ADSL: variants seen among roughly 807,000 people sequenced by gnomAD.
ADSL encodes adenylosuccinase.
ADSL carries 44 observed loss-of-function variants against 62.1 expected under a neutral mutation model. The ratio of observed to expected loss-of-function variants is 0.71; its 90% CI spans 0.56 to 0.91. The LOEUF (loss-of-function observed/expected upper bound fraction) is 0.91. Among genes scored for constraint, ADSL ranks in the 40% least tolerant of loss-of-function variants. ADSL has a pLI of 0.00. For missense variants in ADSL, 531 were observed against 627.4 expected, an observed-to-expected ratio of 0.85 and a Z score of 1.64; for synonymous variants, 198 against 220.5, an observed-to-expected ratio of 0.90 and a Z score of 0.90.
intron 10 of ADSL, among the ~76,000 whole-genome samples, chr22:40,363,736 C>CAA (rs1231381642): frequency 1.4e-4 from 11 of 79,620 alleles, no homozygotes; most frequent in Non-Finnish European, 2.1e-4. Context: ...AACTCCATCT[C>CAA]AAAAAAAAAA....
In ADSL at chr22:40,354,332, G is replaced by A. The variant is rs886042934; in HGVS notation, c.482+5G>A. 5 of 1,611,684 alleles carry A rather than the reference G, an allele frequency of 3.1e-6. No homozygotes were observed. The highest frequency in any genetic ancestry group is 4.2e-6 in the Non-Finnish European group (5 of 1,177,704). The stretch of plus-strand genomic sequence containing the variant: ...ATTAGGTTTCACACATTTCCAGTAA[G>A]TGATAAGATTACTTCTTGTTTATGT... On this transcript the variant is annotated splice_donor_5th_base_variant and intron_variant, in intron 4 of 12. Coordinates refer to ENST00000623063, the MANE Select transcript of ADSL (RefSeq NM_000026.4).
intron 12 of ADSL, 88 bp downstream of exon 12, chr22:40,365,144 G>C: frequency 7.3e-7 from 1 of 1,367,196 alleles, no homozygotes; most frequent in African/African-American, 1.4e-5. Context: ...GGTATGGTGG[G>C]AATGGGCTAG....
intron 1 of ADSL, among the ~76,000 whole-genome samples, chr22:40,347,042 A>T (rs1332184235): frequency 1.3e-5 from 2 of 152,192 alleles, no homozygotes; most frequent in African/African-American, 4.8e-5. Context: ...CTTGTTTCGT[A>T]CTGTTGTGCT....
intron 4 of ADSL, among the ~76,000 whole-genome samples, chr22:40,356,808 G>A (rs1354822208): frequency 1.3e-5 from 2 of 152,082 alleles, no homozygotes; most frequent in African/African-American, 2.4e-5. Flanking sequence ...ATACCAGCGT[G>A]TGCCAGCCTG....
chr22:40,372,412 A>C (rs1187850724), downstream of ADSL, among the ~76,000 whole-genome samples: 1 of 152,160 alleles, frequency 6.6e-6, no homozygotes, highest in African/African-American at 2.4e-5. Flanking sequence ...GGCGTGAGCC[A>C]CCGTGCCTGG....
At chr22:40,356,631 G>GGCAT (rs1601574445) in intron 4 of ADSL, among the ~76,000 whole-genome samples, 1 of 152,074 alleles carries the variant, frequency 6.6e-6, no homozygotes, top group East Asian at 1.9e-4. Flanking sequence ...GATAGCTTGA[G>GGCAT]GCATGGAGTT....
chr22:40,354,224 T>G (rs769414459), intron 3 of ADSL, 24 bp from the exon 4 acceptor site: 4 of 1,609,024 alleles, frequency 2.5e-6, no homozygotes, highest in Non-Finnish European at 3.4e-6. Flanking sequence ...TCAACCTCTT[T>G]CTATCACATG....
In ADSL at chr22:40,361,538, T is replaced by G. The variant is rs2146663371; in HGVS notation, c.913T>G (p.Cys305Gly). The part of the protein sequence containing the change: ...KRNPMRSERC[C>G]SLARHLMTLV... The stretch of plus-strand genomic sequence containing the variant: ...GAATCCCATGCGTTCAGAACGTTGC[T>G]GCAGTCTTGCCCGCCACCTGATGAC... Residue 305 changes from cysteine to glycine, a missense_variant, in exon 9 of 13, where the codon TGC becomes GGC. Physicochemically the swap from Cys to Gly is radical, Grantham distance 159 (BLOSUM62 -3). Coordinates refer to ENST00000623063, the MANE Select transcript of ADSL (RefSeq NM_000026.4). 6.2e-7 allele frequency: 1 copy of G among 1,614,238 alleles called. No homozygotes were observed. Among genetic ancestry groups the G allele is most frequent in the Non-Finnish European group, 8.5e-7 (1 of 1,180,034 alleles).
In ADSL at chr22:40,368,526, C is replaced by T. The variant is rs2045063506; in HGVS notation, c.*2004C>T. 2 of 152,110 alleles carry T rather than the reference C, an allele frequency of 1.3e-5. No individual in the cohort carries two copies. The highest frequency in any genetic ancestry group is 6.6e-5 in the Admixed American group (1 of 15,256). 9.4% of individuals were successfully genotyped at this position (152,110 alleles called of 1,614,324 possible). A position where few individuals can be genotyped will look rare whatever the true frequency, so the allele number is the denominator to read the frequency against. On this transcript the variant is annotated 3_prime_UTR_variant, in exon 13 of 13. Transcript: ENST00000623063. ...TTTGGAAAAACAATAGAAGACAATT[C>T]TGAAAACCAAATTCTGAACATAGGC...
chr22:40,359,268 G>A lies in ADSL; in HGVS notation c.663G>A (p.Gln221=), dbSNP rs1442075825. 1 of 1,614,160 alleles carries A rather than the reference G, an allele frequency of 6.2e-7. No homozygotes were observed. Among genetic ancestry groups the A allele is most frequent in the East Asian group, 2.2e-5 (1 of 44,886 alleles). The change falls in exon 6 of 13, where the codon CAG becomes CAA. Residue 221 remains glutamine (Q), a synonymous_variant. Coordinates refer to ENST00000623063, the MANE Select transcript of ADSL (RefSeq NM_000026.4). Reference sequence around the variant, plus strand: ...TGTCTTTTCTTTCCAAGGTAGAGCAGCTTGACAAGATGGTGACAGAAAAGG... The same window carrying A: ...TGTCTTTTCTTTCCAAGGTAGAGCAACTTGACAAGATGGTGACAGAAAAGG... The part of the protein sequence containing the change: ...LFEGDDHKVE[Q]LDKMVTEKAG...
At chr22:40,365,102 GGTACTCTCT>G (rs1476038371) in intron 12 of ADSL, 46 bp downstream of exon 12, 1 of 1,571,768 alleles carries the variant, frequency 6.4e-7, no homozygotes, top group East Asian at 2.2e-5. Flanking sequence ...CAGAACCTGG[GGTACTCTCT>G]TTGATGTTTT....
intron 3 of ADSL, 57 bp from the exon 4 acceptor site, chr22:40,354,191 T>G: frequency 7.1e-7 from 1 of 1,406,226 alleles, no homozygotes; most frequent in Non-Finnish European, 1.0e-6. Flanking sequence ...TGTTCCTAAT[T>G]ATGTAATGAA....
intron 9 of ADSL, among the ~76,000 whole-genome samples, chr22:40,362,626 C>G (rs531259211): frequency 6.6e-6 from 1 of 152,292 alleles, no homozygotes; most frequent in South Asian, 2.1e-4. Flanking sequence ...GTATAAAGAG[C>G]TTGGTGAGTG....
chr22:40,359,422 CA>C, intron 6 of ADSL, 116 bp downstream of exon 6: 14 of 924,152 alleles, frequency 1.5e-5, no homozygotes, highest in South Asian at 1.0e-4. Context: ...TTCTTCTACC[CA>C]TTTTTTTTTT....
In ADSL at chr22:40,349,688, C is replaced by G; in HGVS notation, c.154-144C>G. 3.9e-6 allele frequency: 3 copies of G among 768,008 alleles called. No individual in the cohort carries two copies. The South Asian group carries it at 4.5e-5, about 12-fold the overall frequency. 47.6% of individuals were successfully genotyped at this position (768,008 alleles called of 1,614,324 possible). On this transcript the variant is annotated intron_variant, in intron 1 of 12. Transcript: ENST00000623063. The stretch of plus-strand genomic sequence containing the variant: ...CCACTACCCCTGGCCAGTGTACTTT[C>G]AACTTGGTTGCCTCAAATTTTAATT...
chr22:40,365,426 A>C (rs749393000), intron 12 of ADSL, among the ~76,000 whole-genome samples: 5 of 152,168 alleles, frequency 3.3e-5, no homozygotes, highest in Non-Finnish European at 5.9e-5. Context: ...TTTTATTGTC[A>C]GGTGGATCTG....
At chr22:40,364,055 C>T (rs4820411) in intron 10 of ADSL, among the ~76,000 whole-genome samples, 2 of 149,332 alleles carry the variant, frequency 1.3e-5, no homozygotes, top group South Asian at 2.1e-4. Flanking sequence ...CCAGCCTGGG[C>T]GACAGAGTGA....
chr22:40,364,010 G>A (rs1218568816), intron 10 of ADSL, among the ~76,000 whole-genome samples: 1 of 151,952 alleles, frequency 6.6e-6, no homozygotes, highest in Non-Finnish European at 1.5e-5. Context: ...CCAGGAGACG[G>A]AGCTTGCAGT....
In ADSL at chr22:40,367,684, A is replaced by C. The variant is rs2045045452; in HGVS notation, c.*1162A>C. On this transcript the variant is annotated 3_prime_UTR_variant, in exon 13 of 13. Coordinates refer to ENST00000623063, the MANE Select transcript of ADSL (RefSeq NM_000026.4). Reference sequence around the variant, plus strand: ...TGCCAGGAGAGCACTAGTGTTATTTAGCCCATTCTCATCCTACATATTTTT... The same window carrying C: ...TGCCAGGAGAGCACTAGTGTTATTTCGCCCATTCTCATCCTACATATTTTT... 1 of 166,790 alleles carries C rather than the reference A, an allele frequency of 6.0e-6. No homozygotes were observed. The highest frequency in any genetic ancestry group is 2.1e-4 in the South Asian group (1 of 4,834). 10.3% of individuals were successfully genotyped at this position (166,790 alleles called of 1,614,324 possible).
Sources: gnomAD v4.1 joint callset for allele counts (sites outside exome capture counted in the v4.1 genomes callset) on GRCh38, gnomAD v4.1.1 for gene constraint, MANE v1.5 for transcripts, NCBI Gene and HGNC (gene_info 2026-07-23, HGNC 2026-07-21) for gene names.